The following PLPPR5 variants were observed in gnomAD, a reference collection of about 807,000 sequenced individuals.
PLPPR5 encodes the protein phospholipid phosphatase related 5.
A neutral mutation model predicts 33.9 loss-of-function variants in PLPPR5; 16 were observed. The ratio of observed to expected loss-of-function variants is 0.47; its 90% CI spans 0.32 to 0.72. The LOEUF is 0.72. Ranked by LOEUF, PLPPR5 falls within the 30% of genes least tolerant of loss-of-function variation. PLPPR5 has a pLI of 0.03. For missense variants in PLPPR5, 301 were observed against 406.7 expected, an observed-to-expected ratio of 0.74 and a Z score of 2.23; for synonymous variants, 163 against 150.3, an observed-to-expected ratio of 1.08 and a Z score of -0.62.
intron 1 of PLPPR5, among the ~76,000 whole-genome samples, chr1:99,000,813 T>A (rs1023663614): frequency 6.6e-6 from 1 of 152,232 alleles, no homozygotes; most frequent in Non-Finnish European, 1.5e-5. Context: ...GGTATGTTTA[T>A]CTAATTTCAC....
At chr1:98,997,382 A>G (rs1459793030) in intron 1 of PLPPR5, among the ~76,000 whole-genome samples, 3 of 152,224 alleles carry the variant, frequency 2.0e-5, no homozygotes, top group Admixed American at 6.5e-5. Context: ...TCGTCTTTCA[A>G]AACTTTTGCA....
intron 3 of PLPPR5, among the ~76,000 whole-genome samples, chr1:98,935,325 G>A (rs767325970): frequency 6.6e-6 from 1 of 152,174 alleles, no homozygotes; most frequent in Non-Finnish European, 1.5e-5. Context: ...AGCAAGAGTA[G>A]GGGCTATTAG....
chr1:98,951,081 C>T (rs891029718), intron 3 of PLPPR5, among the ~76,000 whole-genome samples: 1 of 152,124 alleles, frequency 6.6e-6, no homozygotes, highest in Non-Finnish European at 1.5e-5. Context: ...ATTTGTCTCC[C>T]ATCATTGGCT....
intron 1 of PLPPR5, among the ~76,000 whole-genome samples, chr1:98,995,573 T>TC (rs937297366): frequency 2.0e-5 from 3 of 152,042 alleles, no homozygotes; most frequent in Admixed American, 6.6e-5. Flanking sequence ...CTGCACCCTC[T>TC]CCCCCAGTGG....
intron 1 of PLPPR5, among the ~76,000 whole-genome samples, chr1:98,989,027 C>A (rs551514350): frequency 6.6e-6 from 1 of 152,064 alleles, no homozygotes; most frequent in Non-Finnish European, 1.5e-5. Flanking sequence ...TGTTCTCACT[C>A]CTCTTTAATT....
At position 98,953,070 on chromosome 1, in the gene PLPPR5, G is replaced by A. The variant is rs755789772; in HGVS notation, c.621C>T (p.Thr207=). The A allele has an allele frequency of 1.8e-5, 29 of 1,613,778 alleles. No individual in the cohort carries two copies. The highest frequency in any genetic ancestry group is 9.9e-5 in the South Asian group (9 of 91,048). ...CAACAAATTTATAATCCTTACTTAC[G>A]GTCAGATACATAGCTGCATAGACAC... The part of the protein sequence containing the change: ...ALSVYAAMYL[T]MYITNTIKAK... Residue 207 remains threonine (T), a splice_region_variant and synonymous_variant, in exon 3 of 6, where the codon ACC becomes ACT. Coordinates refer to ENST00000263177, the MANE Select transcript of PLPPR5 (RefSeq NM_001037317.2).
chr1:98,898,349 TAC>T (rs1299201096), intron 5 of PLPPR5, among the ~76,000 whole-genome samples: 2 of 152,178 alleles, frequency 1.3e-5, no homozygotes, highest in Non-Finnish European at 2.9e-5. Context: ...TGACATAGCC[TAC>T]ATTGCATCAG....
intron 2 of PLPPR5, 35 bp from the exon 3 acceptor site, chr1:98,953,355 TTG>T (rs58092870): frequency 0.064 from 86,879 of 1,360,604 alleles, 580 homozygotes; most frequent in African/African-American, 0.078. Context: ...AACTTCTTGC[TTG>T]TGTGTGTGTG....
At chr1:98,894,724 T>A (rs1648405772) in intron 5 of PLPPR5, among the ~76,000 whole-genome samples, 1 of 152,072 alleles carries the variant, frequency 6.6e-6, no homozygotes, top group South Asian at 2.1e-4. Flanking sequence ...TTGACCCAGA[T>A]AATGAAGGGA....
chr1:98,959,574 G>A (rs540337498), intron 1 of PLPPR5, among the ~76,000 whole-genome samples: 1 of 152,234 alleles, frequency 6.6e-6, no homozygotes, highest in Middle Eastern at 3.4e-3. Context: ...TCTTTCCCTG[G>A]AGTCATACTG....
chr1:98,971,181 T>C (rs1341043522), intron 1 of PLPPR5, among the ~76,000 whole-genome samples: 1 of 152,056 alleles, frequency 6.6e-6, no homozygotes, highest in Non-Finnish European at 1.5e-5. Context: ...TTTTGAAATA[T>C]TGGTGATGGG....
chr1:98,964,611 A>T (rs1159303319), intron 1 of PLPPR5, among the ~76,000 whole-genome samples: 2 of 152,134 alleles, frequency 1.3e-5, no homozygotes, highest in African/African-American at 2.4e-5. Flanking sequence ...ATCTGGGCTC[A>T]CTAAACTCAA....
chr1:98,937,773 G>T (rs1650227274), intron 3 of PLPPR5, among the ~76,000 whole-genome samples: 1 of 152,210 alleles, frequency 6.6e-6, no homozygotes, highest in Non-Finnish European at 1.5e-5. Context: ...CTGACCTACA[G>T]AGTCTGTGAG....
intron 3 of PLPPR5, among the ~76,000 whole-genome samples, chr1:98,927,252 G>A (rs1187162785): frequency 6.6e-6 from 1 of 152,180 alleles, no homozygotes; most frequent in Non-Finnish European, 1.5e-5. Flanking sequence ...CTGAATAAAT[G>A]CTTAGTTGTT....
chr1:98,975,034 C>A (rs1651796249), intron 1 of PLPPR5, among the ~76,000 whole-genome samples: 1 of 152,038 alleles, frequency 6.6e-6, no homozygotes, highest in South Asian at 2.1e-4. Context: ...TTCTACCCAC[C>A]TACGAGGACA....
At chr1:98,995,771 A>G (rs965121462) in intron 1 of PLPPR5, among the ~76,000 whole-genome samples, 1 of 152,136 alleles carries the variant, frequency 6.6e-6, no homozygotes, top group African/African-American at 2.4e-5. Context: ...AGAGAATGGA[A>G]TATGTAAACT....
chr1:98,995,888 G>T (rs1490728422), intron 1 of PLPPR5, among the ~76,000 whole-genome samples: 1 of 151,970 alleles, frequency 6.6e-6, no homozygotes, highest in African/African-American at 2.4e-5. Context: ...TTGGTGTCTG[G>T]ATACCTTATC....
intron 3 of PLPPR5, among the ~76,000 whole-genome samples, chr1:98,935,753 G>A (rs1650150027): frequency 6.6e-6 from 1 of 152,150 alleles, no homozygotes; most frequent in African/African-American, 2.4e-5. Flanking sequence ...TTCCTTATCT[G>A]GCAGGTGCAT....
At chr1:98,945,759 T>C (rs1650525100) in intron 3 of PLPPR5, among the ~76,000 whole-genome samples, 1 of 152,154 alleles carries the variant, frequency 6.6e-6, no homozygotes, top group South Asian at 2.1e-4. Context: ...AACTGGGACA[T>C]AGGTTTGAAA....
Sources: gnomAD v4.1 joint callset for allele counts (sites outside exome capture counted in the v4.1 genomes callset) on GRCh38, gnomAD v4.1.1 for gene constraint, MANE v1.5 for transcripts, NCBI Gene and HGNC (gene_info 2026-07-23, HGNC 2026-07-21) for gene names.